The following SPRY3 variants were observed in gnomAD, a reference collection of about 807,000 sequenced individuals.
SPRY3 encodes protein sprouty homolog 3.
SPRY3 carries 15 observed loss-of-function variants against 20.2 expected under a neutral mutation model. That is an observed-to-expected ratio of 0.74 (90% CI 0.50 to 1.14). The LOEUF is 1.14. SPRY3 is among the 50% of genes most tolerant of loss of function. The probability of loss-of-function intolerance (pLI) is 0.00; values close to 1 mark genes in which losing one functional copy is unlikely to be tolerated. For missense variants in SPRY3, 364 were observed against 363.9 expected (o/e 1.00, Z 0.00); for synonymous variants, 143 against 136.5 (o/e 1.05, Z -0.33).
chrX:155,752,129 A>G (rs1460773958), intron 2 of SPRY3, among the ~76,000 whole-genome samples: 9 of 151,610 alleles, frequency 5.9e-5, no homozygotes, highest in Non-Finnish European at 1.5e-5. Context: ...ACATGTCTAG[A>G]CAGATTCTGG....
chrX:155,688,210 T>C (rs1438638618), intron 2 of SPRY3, among the ~76,000 whole-genome samples: 1 of 110,635 alleles, frequency 9.0e-6, no homozygotes, highest in Non-Finnish European at 1.9e-5. Context: ...GAAGAGGACA[T>C]GATCTCGTTC....
intron 2 of SPRY3, among the ~76,000 whole-genome samples, chrX:155,666,084 C>T (rs2068023701): frequency 9.1e-6 from 1 of 110,354 alleles, no homozygotes; most frequent in Non-Finnish European, 1.9e-5. Flanking sequence ...TGGTGGGGTA[C>T]ACCATTTCCA....
At chrX:155,712,932 TAAAC>T (rs2090997090) in intron 2 of SPRY3, among the ~76,000 whole-genome samples, 1 of 151,970 alleles carries the variant, frequency 6.6e-6, no homozygotes, top group Admixed American at 6.6e-5. Context: ...TCTGATTGCA[TAAAC>T]AAACATACAT....
chrX:155,713,640 C>T (rs2091002069), intron 2 of SPRY3, among the ~76,000 whole-genome samples: 1 of 152,168 alleles, frequency 6.6e-6, no homozygotes, highest in East Asian at 1.9e-4. Context: ...TTATCCTTGA[C>T]CTTTGAGAGT....
At chrX:155,653,925 C>G (rs1332862035) in intron 1 of SPRY3, among the ~76,000 whole-genome samples, 2 of 111,855 alleles carry the variant, frequency 1.8e-5, no homozygotes, top group Non-Finnish European at 3.8e-5. Context: ...TGGACACCCA[C>G]TTGGTGTCCT....
At chrX:155,666,726 G>T (rs782560375) in intron 2 of SPRY3, among the ~76,000 whole-genome samples, 1 of 111,367 alleles carries the variant, frequency 9.0e-6, no homozygotes, top group Non-Finnish European at 1.9e-5. Context: ...CATGTTTAAA[G>T]CTTAGGAGAG....
chrX:155,666,280 T>C (rs1337346696), intron 2 of SPRY3, among the ~76,000 whole-genome samples: 5 of 112,001 alleles, frequency 4.5e-5, no homozygotes, highest in Non-Finnish European at 9.4e-5. Flanking sequence ...ATTTTATTTA[T>C]TTTTAATTGA....
At chrX:155,750,492 G>C (rs1190691239) in intron 2 of SPRY3, among the ~76,000 whole-genome samples, 1 of 151,816 alleles carries the variant, frequency 6.6e-6, no homozygotes, top group Non-Finnish European at 1.5e-5. Context: ...GAAATAAATA[G>C]TGAGATAGGA....
intron 2 of SPRY3, among the ~76,000 whole-genome samples, chrX:155,741,377 T>C (rs1602980703): frequency 6.6e-6 from 1 of 152,240 alleles, no homozygotes; most frequent in South Asian, 2.1e-4. Flanking sequence ...CTATGACTGA[T>C]TGGGGTACCT....
chrX:155,645,763 G>T (rs2067955822), intron 1 of SPRY3, among the ~76,000 whole-genome samples: 1 of 111,930 alleles, frequency 8.9e-6, no homozygotes, highest in African/African-American at 3.3e-5. Context: ...CTCTTTCAGT[G>T]ATTTGAAGTT....
chrX:155,648,275 T>C (rs1336916864), intron 1 of SPRY3, among the ~76,000 whole-genome samples: 1 of 112,775 alleles, frequency 8.9e-6, no homozygotes, highest in Non-Finnish European at 1.9e-5. Flanking sequence ...TGATAGTTTC[T>C]TTCGCTATGC....
At chrX:155,734,012 G>A (rs1447630871) in intron 2 of SPRY3, among the ~76,000 whole-genome samples, 3 of 152,094 alleles carry the variant, frequency 2.0e-5, no homozygotes, top group South Asian at 2.1e-4. Flanking sequence ...CCACGAAAAC[G>A]TTCTCCGGAT....
chrX:155,774,717 G>A (rs184408178), exon 4 of SPRY3: 3 of 1,612,810 alleles, frequency 1.9e-6, no homozygotes, highest in African/African-American at 2.7e-5. Flanking sequence ...CCTTCCCCAA[G>A]GCCCAGGAAA....
At chrX:155,741,235 G>C (rs1310721021) in intron 2 of SPRY3, among the ~76,000 whole-genome samples, 1 of 152,040 alleles carries the variant, frequency 6.6e-6, no homozygotes, top group Non-Finnish European at 1.5e-5. Context: ...AATACACTAA[G>C]TGAAGGAAAG....
At chrX:155,779,335 T>C (rs1425443026), downstream of SPRY3, 2 of 167,150 alleles carry the variant, frequency 1.2e-5, no homozygotes, top group East Asian at 3.9e-4. Context: ...TTACCTTATG[T>C]CTTTAATCAC....
At chrX:155,719,498 T>A (rs1489007861) in intron 2 of SPRY3, among the ~76,000 whole-genome samples, 18 of 151,368 alleles carry the variant, frequency 1.2e-4, no homozygotes, top group Admixed American at 2.6e-4. Context: ...GCTAAGGGAG[T>A]GCTGGTATCA....
At chrX:155,652,195 T>A (rs782154621) in intron 1 of SPRY3, among the ~76,000 whole-genome samples, 1 of 111,821 alleles carries the variant, frequency 8.9e-6, no homozygotes, top group Non-Finnish European at 1.9e-5. Flanking sequence ...AATTTGACAT[T>A]AGATTTGGGC....
rs1352977813 is a variant in SPRY3, at chrX:155,640,463, C to A, written c.-440-16404C>A. 2.7e-5 allele frequency among the ~76,000 whole-genome samples: 3 copies of A among 112,267 alleles called. No homozygotes were observed. The Admixed American group carries it at 2.8e-4, about 11-fold the overall frequency. ...GCAGACCTCAATCTATAGAAAATAT[C>A]AAGCAACTCAACTTTTTTTGATAGG... On this transcript the variant is annotated intron_variant, in intron 1 of 3. Transcript: ENST00000675360.
intron 2 of SPRY3, among the ~76,000 whole-genome samples, chrX:155,717,274 G>A (rs306938): frequency 4.6e-5 from 7 of 151,276 alleles, no homozygotes; most frequent in Non-Finnish European, 8.8e-5. Flanking sequence ...TAAGTAGCCC[G>A]TCTATAGCTC....
Sources: allele counts gnomAD v4.1 joint callset (sites outside exome capture counted in the v4.1 genomes callset), GRCh38; gene constraint gnomAD v4.1.1; transcripts MANE v1.5; gene names NCBI Gene and HGNC (gene_info 2026-07-23, HGNC 2026-07-21).